The following FAM53A variants were observed in gnomAD, a reference collection of about 807,000 sequenced individuals.
FAM53A encodes the protein protein FAM53A.
In FAM53A, 28 loss-of-function variants were observed where a neutral mutation model predicts 26.6. The observed-to-expected ratio is 1.05, with a 90% CI of 0.78 to 1.45. The LOEUF (loss-of-function observed/expected upper bound fraction) is 1.45, where lower values mean the gene tolerates loss of function less well. Ranked by LOEUF, FAM53A falls within the 40% of genes most tolerant of loss-of-function variation. FAM53A has a pLI of 0.00. For missense variants in FAM53A, 650 were observed against 575.8 expected (o/e 1.13, Z -1.32); for synonymous variants, 290 against 253.1 (o/e 1.15, Z -1.38).
At chr4:1,593,204 G>T in the FAM53A span, among the ~76,000 whole-genome samples, 1 of 152,168 alleles carries the variant, frequency 6.6e-6, no homozygotes, top group Non-Finnish European at 1.5e-5. Flanking sequence ...GGCCTCGCGG[G>T]TCCAGGGCTT....
intron 1 of FAM53A, among the ~76,000 whole-genome samples, chr4:1,619,840 T>C (rs1470628514): frequency 1.3e-5 from 2 of 152,218 alleles, no homozygotes; most frequent in African/African-American, 4.8e-5. Context: ...CTGGATCTGC[T>C]TCACTTCATC....
At chr4:1,593,728 G>T in the FAM53A span, among the ~76,000 whole-genome samples, 1 of 152,144 alleles carries the variant, frequency 6.6e-6, no homozygotes, top group East Asian at 1.9e-4. Context: ...GAGTGGCCGC[G>T]GGAGACTGGA....
Position 1,663,422 on chromosome 4 carries a change from C to T in FAM53A, c.75+5245G>A, listed in dbSNP as rs1369854046. ...ACAGAAACTCACACATGAATGTTCA[C>T]AGCTGCATTATCCCTAATAGCTAAA... On this transcript the variant is annotated intron_variant, in intron 2 of 4. Coordinates refer to ENST00000308132, the MANE Select transcript of FAM53A (RefSeq NM_001174070.3). 2.0e-5 allele frequency among the ~76,000 whole-genome samples: 3 copies of T among 152,178 alleles called. 1 individual carries two copies. Among genetic ancestry groups the T allele is most frequent in the Admixed American group, 1.3e-4 (2 of 15,272 alleles).
At chr4:1,610,058 T>C in the FAM53A span, among the ~76,000 whole-genome samples, 1 of 151,056 alleles carries the variant, frequency 6.6e-6, no homozygotes, top group East Asian at 1.9e-4. Context: ...CAGGGCTTTG[T>C]GGCGGCCCCC....
At chr4:1,652,144 ACAC>A (rs1290750451) in intron 4 of FAM53A, among the ~76,000 whole-genome samples, 18 of 140,228 alleles carry the variant, frequency 1.3e-4, no homozygotes, top group East Asian at 6.4e-4. Flanking sequence ...TACACCACAC[ACAC>A]CACACGTCAC....
the FAM53A span, among the ~76,000 whole-genome samples, chr4:1,603,903 G>A: frequency 1.3e-5 from 2 of 152,218 alleles, no homozygotes; most frequent in East Asian, 1.9e-4. Flanking sequence ...GACATTGGCC[G>A]GTGTCAGTTC....
the FAM53A span, among the ~76,000 whole-genome samples, chr4:1,581,705 C>G: frequency 6.6e-6 from 1 of 152,218 alleles, no homozygotes; most frequent in Non-Finnish European, 1.5e-5. Flanking sequence ...AAGCAATTCT[C>G]CTGCCCAGGC....
At chr4:1,667,995 C>CT (rs1560193172) in intron 2 of FAM53A, among the ~76,000 whole-genome samples, 1 of 152,138 alleles carries the variant, frequency 6.6e-6, no homozygotes, top group Admixed American at 6.5e-5. Context: ...CCTTGGGAGG[C>CT]GCGGCTAGGA....
intron 4 of FAM53A, among the ~76,000 whole-genome samples, chr4:1,650,323 G>GGA (rs1712657889): frequency 6.9e-6 from 1 of 144,638 alleles, no homozygotes; most frequent in Non-Finnish European, 1.5e-5. Flanking sequence ...CACAGGCATA[G>GGA]TGTTTGACTG....
In FAM53A at chr4:1,654,993, G is replaced by A; in HGVS notation, c.867C>T (p.Phe289=). 6.6e-7 allele frequency: 1 copy of A among 1,522,222 alleles called. No homozygotes were observed. Among genetic ancestry groups the A allele is most frequent in the East Asian group, 2.4e-5 (1 of 41,930 alleles). The allele number at this position is 1,522,222 out of a possible 1,614,324, so 94.3% of individuals were successfully genotyped here. A position where few individuals can be genotyped will look rare whatever the true frequency, so the allele number is the denominator to read the frequency against. Residue 289 remains phenylalanine, a synonymous_variant, in exon 4 of 5, where the codon TTC becomes TTT. Transcript: ENST00000308132. ...AAAGCCTCACCTGGGTCATTTTCAG[G>A]AAGTCCAAGGATGGGCGTGTCCACC... The part of the protein sequence containing the change: ...DARWTRPSLD[F]LKMTQTLKNS...
At chr4:1,620,194 G>C (rs1170295488) in intron 1 of FAM53A, among the ~76,000 whole-genome samples, 1 of 140,932 alleles carries the variant, frequency 7.1e-6, no homozygotes, top group East Asian at 2.1e-4. Context: ...GTGACAGAGT[G>C]AGACTCTGTC....
At chr4:1,665,038 G>A (rs1229778540) in intron 2 of FAM53A, among the ~76,000 whole-genome samples, 1 of 151,654 alleles carries the variant, frequency 6.6e-6, no homozygotes, top group Non-Finnish European at 1.5e-5. Flanking sequence ...ATAAAGGCTG[G>A]GCATGGTGGC....
intron 4 of FAM53A, among the ~76,000 whole-genome samples, chr4:1,652,328 TAC>T (rs1560159027): frequency 7.9e-4 from 83 of 104,988 alleles, no homozygotes; most frequent in African/African-American, 3.3e-3. Context: ...ACACACACCA[TAC>T]ACACACGCTA....
At chr4:1,649,787 C>T (rs376607933) in intron 4 of FAM53A, among the ~76,000 whole-genome samples, 2 of 152,260 alleles carry the variant, frequency 1.3e-5, no homozygotes, top group African/African-American at 2.4e-5. Flanking sequence ...GCCTCCCCAT[C>T]GGCCTCCGGG....
At chr4:1,598,997 C>T in the FAM53A span, among the ~76,000 whole-genome samples, 1 of 152,386 alleles carries the variant, frequency 6.6e-6, no homozygotes, top group Non-Finnish European at 1.5e-5. Flanking sequence ...CGCAGGGGTG[C>T]GTGCGGGTGC....
intron 4 of FAM53A, among the ~76,000 whole-genome samples, chr4:1,651,474 G>A (rs1208557419): frequency 6.6e-6 from 1 of 151,738 alleles, no homozygotes; most frequent in Non-Finnish European, 1.5e-5. Context: ...GGAGGTTGCA[G>A]TGACCGGAGA....
At chr4:1,677,004 G>C (rs1715089590) in intron 1 of FAM53A, among the ~76,000 whole-genome samples, 1 of 152,156 alleles carries the variant, frequency 6.6e-6, no homozygotes, top group African/African-American at 2.4e-5. Flanking sequence ...AAAGACATCA[G>C]GACACCTTCA....
intron 1 of FAM53A, among the ~76,000 whole-genome samples, chr4:1,671,869 A>G (rs1210843871): frequency 2.0e-5 from 3 of 152,228 alleles, no homozygotes; most frequent in African/African-American, 2.4e-5. Flanking sequence ...CTAGGATTTT[A>G]TTTTAAAAAC....
rs1250495096 is a variant in FAM53A, at chr4:1,659,979, A to G, written c.76-2511T>C. Among the ~76,000 whole-genome samples, 1 of 152,208 alleles carries G rather than the reference A, an allele frequency of 6.6e-6. No individual in the cohort carries two copies. Among genetic ancestry groups the G allele is most frequent in the African/African-American group, 2.4e-5 (1 of 41,442 alleles). Reference sequence around the variant, plus strand: ...CATATGGGTTTCGGGGAATGTGAACATGCAACCCTTAAGCCTAAGGAAATC... The same window carrying G: ...CATATGGGTTTCGGGGAATGTGAACGTGCAACCCTTAAGCCTAAGGAAATC... On this transcript the variant is annotated intron_variant, in intron 2 of 4. Transcript: ENST00000308132. The surrounding 1 kb of genome is among the most constrained non-coding windows in gnomAD (Gnocchi z 5.2).
Sources: allele counts gnomAD v4.1 joint callset (sites outside exome capture counted in the v4.1 genomes callset), GRCh38; gene constraint gnomAD v4.1.1; non-coding constraint Gnocchi (gnomAD v3.1); transcripts MANE v1.5; gene names NCBI Gene and HGNC (gene_info 2026-07-23, HGNC 2026-07-21).